ATP6V1B1: variants seen among roughly 807,000 people sequenced by gnomAD.
The protein encoded by ATP6V1B1 is ATPase H+ transporting V1 subunit B1.
Under a neutral mutation model 62.1 loss-of-function variants are expected in ATP6V1B1, and 41 were observed. The ratio of observed to expected loss-of-function variants is 0.66; its 90% CI spans 0.51 to 0.86. The LOEUF is 0.86. ATP6V1B1 is among the 40% of genes least tolerant of loss of function. The probability of loss-of-function intolerance (pLI) is 0.00; values close to 1 mark genes in which losing one functional copy is unlikely to be tolerated. For missense variants in ATP6V1B1, 651 were observed against 697.5 expected (o/e 0.93, Z 0.75); for synonymous variants, 253 against 273.4 (o/e 0.93, Z 0.74).
intron 2 of ATP6V1B1, among the ~76,000 whole-genome samples, chr2:70,946,434 C>T (rs928558562): frequency 3.9e-5 from 6 of 152,146 alleles, no homozygotes; most frequent in Admixed American, 2.6e-4. Flanking sequence ...TGCCCAGGAA[C>T]GTGTTAGAAA....
intron 1 of ATP6V1B1, among the ~76,000 whole-genome samples, 164 bp downstream of exon 1, chr2:70,936,236 G>C (rs1369920841): frequency 6.6e-6 from 1 of 152,128 alleles, no homozygotes; most frequent in Non-Finnish European, 1.5e-5. Context: ...GGGGCCACCT[G>C]GACCAGAGGC....
chr2:70,946,435 G>A (rs185400868), intron 2 of ATP6V1B1, among the ~76,000 whole-genome samples: 107 of 152,266 alleles, frequency 7.0e-4, no homozygotes, highest in Non-Finnish European at 1.3e-3. Flanking sequence ...GCCCAGGAAC[G>A]TGTTAGAAAT....
At chr2:70,937,602 G>A (rs1679889025) in intron 1 of ATP6V1B1, among the ~76,000 whole-genome samples, 1 of 151,816 alleles carries the variant, frequency 6.6e-6, no homozygotes, top group African/African-American at 2.4e-5. Flanking sequence ...CCCTGAGCTG[G>A]CATGTGTGAC....
At chr2:70,939,773 G>A (rs1679948207) in intron 1 of ATP6V1B1, 1 of 149,120 alleles carries the variant, frequency 6.7e-6, no homozygotes, top group Admixed American at 6.7e-5. Context: ...GCAGTGGGGA[G>A]AGGACCCAGT....
chr2:70,954,031 T>A (rs989767604), intron 2 of ATP6V1B1, among the ~76,000 whole-genome samples: 2 of 152,226 alleles, frequency 1.3e-5, no homozygotes, highest in Non-Finnish European at 2.9e-5. Flanking sequence ...TTTCTTAATC[T>A]GTGTTGCCAG....
Position 70,957,959 on chromosome 2 carries a change from T to C in ATP6V1B1, c.175-87T>C, listed in dbSNP as rs1054692644. On this transcript the variant is annotated intron_variant, in intron 2 of 13. Coordinates refer to ENST00000234396, the MANE Select transcript of ATP6V1B1 (RefSeq NM_001692.4). ...TGGACACTAGAGGGGAGAGAACAGTTTGGGACTGGGTCAGGGAGGGCCGGA... is the reference window on the plus strand; with the variant it reads ...TGGACACTAGAGGGGAGAGAACAGTCTGGGACTGGGTCAGGGAGGGCCGGA... 7.3e-6 allele frequency: 9 copies of C among 1,225,586 alleles called. No individual in the cohort carries two copies. The African/African-American group carries it at 9.0e-5, about 12-fold the overall frequency. 75.9% of individuals were successfully genotyped at this position (1,225,586 alleles called of 1,614,324 possible).
intron 1 of ATP6V1B1, chr2:70,940,484 T>G: frequency 5.1e-6 from 5 of 985,450 alleles, no homozygotes; most frequent in Non-Finnish European, 6.0e-6. Context: ...CTGCCTGCCC[T>G]GCATCCCTTT....
chr2:70,946,722 GC>G (rs1553417418), intron 2 of ATP6V1B1, among the ~76,000 whole-genome samples: 2 of 152,188 alleles, frequency 1.3e-5, no homozygotes, highest in African/African-American at 2.4e-5. Flanking sequence ...AACAGTTGGT[GC>G]CACCTCCTGC....
In ATP6V1B1 at chr2:70,935,927, C is replaced by T; in HGVS notation, c.-28C>T. The T allele has an allele frequency of 1.3e-6, 2 of 1,593,874 alleles. No homozygotes were observed. Among genetic ancestry groups the T allele is most frequent in the Non-Finnish European group, 1.7e-6 (2 of 1,164,042 alleles). Reference sequence around the variant, plus strand: ...AGCTGCCACCAGCAGCAGGCTCAGACACTGGGCTCCCAGCTGGGGACTGCT... The same window carrying T: ...AGCTGCCACCAGCAGCAGGCTCAGATACTGGGCTCCCAGCTGGGGACTGCT... On this transcript the variant is annotated 5_prime_UTR_variant, in exon 1 of 14. Coordinates refer to ENST00000234396, the MANE Select transcript of ATP6V1B1 (RefSeq NM_001692.4).
intron 2 of ATP6V1B1, among the ~76,000 whole-genome samples, chr2:70,954,869 C>A (rs558455730): frequency 6.6e-6 from 1 of 152,142 alleles, no homozygotes; most frequent in Non-Finnish European, 1.5e-5. Context: ...CTAGGGGATG[C>A]AATGCGTTTG....
intron 2 of ATP6V1B1, among the ~76,000 whole-genome samples, chr2:70,950,394 T>G (rs58581747): frequency 0.029 from 4,453 of 152,200 alleles, 179 homozygotes; most frequent in African/African-American, 0.09. Context: ...TTTATATACT[T>G]TTCAAAAGGA....
At chr2:70,950,353 A>G (rs1452427662) in intron 2 of ATP6V1B1, among the ~76,000 whole-genome samples, 6 of 152,180 alleles carry the variant, frequency 3.9e-5, no homozygotes, top group African/African-American at 1.4e-4. Flanking sequence ...AAATTTTAAA[A>G]TAAACAATAA....
intron 1 of ATP6V1B1, among the ~76,000 whole-genome samples, chr2:70,937,668 C>A (rs1186506637): frequency 2.0e-5 from 3 of 151,950 alleles, no homozygotes; most frequent in Admixed American, 6.5e-5. Flanking sequence ...CTCCTCCCTG[C>A]AGGCACCCGG....
intron 2 of ATP6V1B1, among the ~76,000 whole-genome samples, chr2:70,945,558 T>C (rs909545236): frequency 3.3e-5 from 5 of 151,780 alleles, no homozygotes; most frequent in African/African-American, 1.2e-4. Context: ...ACACAATAAT[T>C]GTACATATTC....
chr2:70,952,453 A>G (rs1680343982), intron 2 of ATP6V1B1, among the ~76,000 whole-genome samples: 1 of 148,836 alleles, frequency 6.7e-6, no homozygotes, highest in African/African-American at 2.5e-5. Context: ...ACAGAGTAAG[A>G]CTCTGTCTCA....
intron 2 of ATP6V1B1, among the ~76,000 whole-genome samples, chr2:70,954,552 G>A (rs552496551): frequency 3.9e-5 from 6 of 152,332 alleles, no homozygotes; most frequent in South Asian, 2.1e-4. Context: ...ATTCAGAAGC[G>A]TGCTTTAATT....
At chr2:70,943,002 AT>A (rs781977210) in intron 1 of ATP6V1B1, among the ~76,000 whole-genome samples, 9 of 152,240 alleles carry the variant, frequency 5.9e-5, no homozygotes, top group Non-Finnish European at 8.8e-5. Context: ...AGCTGAGCTC[AT>A]TTGCCATGTG....
chr2:70,956,156 G>T lies in ATP6V1B1; in HGVS notation c.175-1890G>T. 1.7e-5 allele frequency: 4 copies of T among 230,912 alleles called. No homozygotes were observed. In the South Asian group the frequency reaches 2.4e-4, roughly 14 times the overall value. 14.3% of individuals were successfully genotyped at this position (230,912 alleles called of 1,614,324 possible). ...TGTTCTCTTTTTACAATACATTCAT[G>T]ACCATTGGATGATATCAATTTGACA... is the stretch of plus-strand genomic sequence containing the variant. On this transcript the variant is annotated intron_variant, in intron 2 of 13. Transcript: ENST00000234396.
chr2:70,944,987 AG>A (rs1680121912), intron 2 of ATP6V1B1, among the ~76,000 whole-genome samples: 1 of 152,064 alleles, frequency 6.6e-6, no homozygotes, highest in African/African-American at 2.4e-5. Context: ...CTTTTCTATG[AG>A]GGTGCCTGCA....
Sources: gnomAD v4.1 joint callset for allele counts (sites outside exome capture counted in the v4.1 genomes callset) on GRCh38, gnomAD v4.1.1 for gene constraint, MANE v1.5 for transcripts, NCBI Gene and HGNC (gene_info 2026-07-23, HGNC 2026-07-21) for gene names.